Variants in ERAP1 observed in about 807,000 individuals in gnomAD.
ERAP1 encodes endoplasmic reticulum aminopeptidase 1.
Under a neutral mutation model 103.7 loss-of-function variants are expected in ERAP1, and 86 were observed. The observed-to-expected ratio is 0.83, with a 90% CI of 0.70 to 0.99. The LOEUF is 0.99. ERAP1 is among the 50% of genes least tolerant of loss of function. ERAP1 has a pLI of 0.00. For synonymous variants in ERAP1, 398 were observed against 402.4 expected (o/e 0.99, Z 0.13); for missense variants, 1,009 against 1,128.4 (o/e 0.89, Z 1.52).
chr5:96,886,779 C>T, the ERAP1 span: 3 of 1,503,416 alleles, frequency 2.0e-6, no homozygotes, highest in Non-Finnish European at 2.7e-6. Context: ...TTCACTTCAT[C>T]AGGGGTCAAG....
chr5:96,793,932 C>A lies in ERAP1; in HGVS notation c.945G>T (p.Gln315His). The change falls in exon 6 of 19, where the codon CAG becomes CAT. Residue 315 changes from glutamine to histidine, a missense_variant. Gln to His is a conservative substitution (Grantham distance 24). Coordinates refer to ENST00000443439, the MANE Select transcript of ERAP1 (RefSeq NM_001040458.3). ...KQDLAAIPDF[Q>H]SGAMENWGLT... ...GTCCCCAGTTTTCCATAGCACCAGA[C>A]TGAAAGTCGGGAATAGCAGCAAGAT... is the stretch of plus-strand genomic sequence containing the variant. The A allele has an allele frequency of 6.2e-7, 1 of 1,614,026 alleles. No homozygotes were observed. Among genetic ancestry groups the A allele is most frequent in the Non-Finnish European group, 8.5e-7 (1 of 1,179,920 alleles).
Position 96,781,184 on chromosome 5 carries a change from C to T in ERAP1, c.2462G>A (p.Ser821Asn). Residue 821 changes from serine (S) to asparagine (N), a missense_variant, in exon 17 of 19, where the codon AGC (serine) becomes AAC (asparagine). Physicochemically the swap from Ser to Asn is conservative, Grantham distance 46. Coordinates refer to ENST00000443439, the MANE Select transcript of ERAP1 (RefSeq NM_001040458.3). ...KEKLQWLLDE[S>N]FKGDKIKTQE... Reference sequence around the variant, plus strand: ...AGTTTTTATTTTATCTCCCTTAAAGCTTTCATCTAGTAGCCTAGAAGGATT... The same window carrying T: ...AGTTTTTATTTTATCTCCCTTAAAGTTTTCATCTAGTAGCCTAGAAGGATT... 3 of 1,612,344 alleles carry T rather than the reference C, an allele frequency of 1.9e-6. No homozygotes were observed. Among genetic ancestry groups the T allele is most frequent in the Non-Finnish European group, 2.5e-6 (3 of 1,179,518 alleles).
chr5:96,833,803 A>AG, the ERAP1 span, among the ~76,000 whole-genome samples: 5 of 151,974 alleles, frequency 3.3e-5, no homozygotes, highest in Non-Finnish European at 5.9e-5. Context: ...AAAAAAAAAA[A>AG]AAAGAAAAGA....
chr5:96,821,400 C>A, the ERAP1 span, among the ~76,000 whole-genome samples: 1 of 152,224 alleles, frequency 6.6e-6, no homozygotes, highest in African/African-American at 2.4e-5. Flanking sequence ...GAAACTGCCA[C>A]ATTCCTCACA....
At chr5:96,762,369 C>A in exon 20 of ERAP1, 1 of 1,588,562 alleles carries the variant, frequency 6.3e-7, no homozygotes, top group Admixed American at 1.9e-5. Context: ...CCCGTGATAC[C>A]TCGGTAAGCA....
At chr5:96,838,557 A>G in the ERAP1 span, among the ~76,000 whole-genome samples, 11 of 152,200 alleles carry the variant, frequency 7.2e-5, no homozygotes, top group African/African-American at 2.7e-4. Flanking sequence ...TTGTAGATAA[A>G]GTTGCCCAGT....
chr5:96,765,846 A>T (rs917238056), intron 19 of ERAP1, among the ~76,000 whole-genome samples: 3 of 152,230 alleles, frequency 2.0e-5, no homozygotes, highest in African/African-American at 7.2e-5. Context: ...ATATGAATTG[A>T]CATACAGAAG....
At chr5:96,786,104 C>G (rs941219281) in intron 12 of ERAP1, 133 bp from the exon 13 acceptor site, 3 of 816,612 alleles carry the variant, frequency 3.7e-6, no homozygotes, top group Non-Finnish European at 4.0e-6. Context: ...TTATTTCTCT[C>G]AGAAACCAGA....
the ERAP1 span, chr5:96,901,799 A>G: frequency 1.0e-6 from 1 of 982,182 alleles, no homozygotes; most frequent in Non-Finnish European, 1.5e-6. Flanking sequence ...ATAAGAATCA[A>G]AGGCCTAAAG....
At chr5:96,762,073 T>C in exon 20 of ERAP1, 1 of 402,874 alleles carries the variant, frequency 2.5e-6, no homozygotes, top group Non-Finnish European at 4.4e-6. Context: ...GAGAAGGAAA[T>C]AGAAATAGCA....
At chr5:96,876,712 T>A in the ERAP1 span, among the ~76,000 whole-genome samples, 1 of 152,176 alleles carries the variant, frequency 6.6e-6, no homozygotes. Context: ...TGGGACTTGA[T>A]CTAAGACGCT....
the ERAP1 span, among the ~76,000 whole-genome samples, chr5:96,836,199 G>GT: frequency 5.4e-5 from 3 of 55,296 alleles, no homozygotes; most frequent in South Asian, 5.7e-4. Flanking sequence ...TTTTTTTTCT[G>GT]TTTTTTGTTT....
the ERAP1 span, among the ~76,000 whole-genome samples, chr5:96,874,182 G>GAA: frequency 3.7e-4 from 54 of 147,114 alleles, no homozygotes; most frequent in South Asian, 1.5e-3. Flanking sequence ...AAGAAAGAAA[G>GAA]AGAGAGAGAA....
the ERAP1 span, among the ~76,000 whole-genome samples, chr5:96,931,055 G>A: frequency 6.6e-6 from 1 of 152,148 alleles, no homozygotes; most frequent in South Asian, 2.1e-4. Flanking sequence ...TGAGTAATGG[G>A]CAGCCAGAGG....
chr5:96,910,396 T>G, the ERAP1 span: 67 of 152,246 alleles, frequency 4.4e-4, 2 homozygotes, highest in East Asian at 0.011. Flanking sequence ...GTAATTCAAG[T>G]TTTCTTCTTT....
the ERAP1 span, among the ~76,000 whole-genome samples, chr5:96,894,181 C>T: frequency 3.7e-4 from 56 of 152,262 alleles, no homozygotes; most frequent in South Asian, 6.2e-4. Flanking sequence ...GTAGGTTCTC[C>T]GTAGGTATTT....
chr5:96,822,321 C>T, the ERAP1 span, among the ~76,000 whole-genome samples: 3 of 152,100 alleles, frequency 2.0e-5, no homozygotes, highest in Non-Finnish European at 4.4e-5. Context: ...TAGCAGGAAG[C>T]CCAGAAATCT....
In ERAP1 at chr5:96,774,903, T is replaced by C. The variant is rs1773810964; in HGVS notation, c.*1493A>G. ...TTGTCGTGTATTAGGGGAACACATT[T>C]TGACATTTTTCGTACCAATCATCAA... On this transcript the variant is annotated 3_prime_UTR_variant, in exon 19 of 19. Coordinates refer to ENST00000443439, the MANE Select transcript of ERAP1 (RefSeq NM_001040458.3). 3 of 985,400 alleles carry C rather than the reference T, an allele frequency of 3.0e-6. No individual in the cohort carries two copies. The South Asian group carries it at 1.4e-4, about 46-fold the overall frequency. 61.0% of individuals were successfully genotyped at this position (985,400 alleles called of 1,614,324 possible). A position where few individuals can be genotyped will look rare whatever the true frequency, so the allele number is the denominator to read the frequency against.
chr5:96,909,938 T>C, the ERAP1 span: 3 of 585,648 alleles, frequency 5.1e-6, no homozygotes, highest in Non-Finnish European at 8.9e-6. Flanking sequence ...TGGAGACTAG[T>C]ACAATCTCTA....
Sources: gnomAD v4.1 joint callset for allele counts (sites outside exome capture counted in the v4.1 genomes callset) on GRCh38, gnomAD v4.1.1 for gene constraint, MANE v1.5 for transcripts, NCBI Gene and HGNC (gene_info 2026-07-23, HGNC 2026-07-21) for gene names.